LPA: variants seen among roughly 807,000 people sequenced by gnomAD.
The protein encoded by LPA is lipoprotein(a), also known as apolipoprotein(a).
In LPA, 199 loss-of-function variants were observed where a neutral mutation model predicts 197.9. The ratio of observed to expected loss-of-function variants is 1.01; its 90% CI spans 0.90 to 1.13. The LOEUF (loss-of-function observed/expected upper bound fraction) is 1.13, where lower values mean the gene tolerates loss of function less well. Among genes scored for constraint, LPA ranks in the 50% most tolerant of loss-of-function variants. The pLI, the probability that LPA is intolerant of heterozygous loss-of-function variation, is 0.00. For missense variants in LPA, 1,853 were observed against 1,785.8 expected, an observed-to-expected ratio of 1.04 and a Z score of -0.68; for synonymous variants, 715 against 639.5, an observed-to-expected ratio of 1.12 and a Z score of -1.78.
intron 24 of LPA, 144 bp from the exon 25 acceptor site, chr6:160,586,774 C>T (rs1583598964): frequency 4.6e-6 from 5 of 1,096,948 alleles, no homozygotes; most frequent in South Asian, 4.1e-5. Context: ...CACAAATGGT[C>T]CTCAACTTCT....
chr6:160,581,876 C>T (rs923693858), intron 26 of LPA, among the ~76,000 whole-genome samples: 7 of 151,944 alleles, frequency 4.6e-5, no homozygotes, highest in Admixed American at 4.6e-4. Context: ...TTCTTCTCAC[C>T]AATGTTATGT....
intron 20 of LPA, among the ~76,000 whole-genome samples, chr6:160,597,302 A>T (rs896386260): frequency 5.3e-5 from 8 of 152,230 alleles, no homozygotes; most frequent in Non-Finnish European, 1.2e-4. Context: ...GTGTGGGCTT[A>T]TCTATTTCTC....
rs73784275 is a variant in LPA at position 160,541,742 on chromosome 6, C to T, written c.5520-561G>A. On this transcript the variant is annotated intron_variant, in intron 34 of 38. Coordinates refer to ENST00000316300, the MANE Select transcript of LPA (RefSeq NM_005577.4). ...TGAGCCACTTGGAGCCAGATTGCAA[C>T]GAAGAGGAATAGAGATAGGAAGTGC... 1.6e-3 allele frequency among the ~76,000 whole-genome samples: 247 copies of T among 152,118 alleles called. 1 individual carries two copies. The highest frequency in any genetic ancestry group is 5.5e-3 in the African/African-American group (229 of 41,498).
At chr6:160,558,429 T>C (rs1379906577) in intron 28 of LPA, among the ~76,000 whole-genome samples, 1 of 152,158 alleles carries the variant, frequency 6.6e-6, no homozygotes, top group Admixed American at 6.5e-5. Context: ...AAAGCAATTA[T>C]GAAAATAGTA....
chr6:160,659,375 CAGA>C (rs1780184471), intron 1 of LPA, among the ~76,000 whole-genome samples: 2 of 152,126 alleles, frequency 1.3e-5, no homozygotes, highest in Non-Finnish European at 2.9e-5. Context: ...GTGTTAGTGG[CAGA>C]AGGACTTTCA....
At chr6:160,548,711 A>T (rs776953380) in intron 30 of LPA, 52 bp from the exon 31 acceptor site, 21 of 1,569,146 alleles carry the variant, frequency 1.3e-5, no homozygotes, top group Non-Finnish European at 1.8e-5. Flanking sequence ...ATATTCAGGG[A>T]CATCCAGCAC....
chr6:160,573,273 C>T (rs1371372331), intron 28 of LPA, among the ~76,000 whole-genome samples: 2 of 151,850 alleles, frequency 1.3e-5, no homozygotes, highest in African/African-American at 2.4e-5. Context: ...TGTCCAAAGT[C>T]TACTGAATTT....
In LPA at chr6:160,606,664, A is replaced by T; in HGVS notation, c.2604-6T>A. On this transcript the variant is annotated splice_polypyrimidine_tract_variant and splice_region_variant and intron_variant, in intron 16 of 38. Coordinates refer to ENST00000316300, the MANE Select transcript of LPA (RefSeq NM_005577.4). ...AGTAGTTCATGATCAAGCCACTGGA[A>T]ATTCCAAAACGATACACGTCACAAG... The T allele has an allele frequency of 6.2e-7, 1 of 1,613,950 alleles. No homozygotes were observed. Among genetic ancestry groups the T allele is most frequent in the Non-Finnish European group, 8.5e-7 (1 of 1,179,904 alleles).
At chr6:160,583,546 C>T (rs1459788132) in intron 26 of LPA, among the ~76,000 whole-genome samples, 4 of 152,144 alleles carry the variant, frequency 2.6e-5, no homozygotes, top group African/African-American at 7.2e-5. Flanking sequence ...GCTATGTGAG[C>T]TCTGGCATCT....
chr6:160,586,420 G>A (rs748282476), intron 25 of LPA, 29 bp downstream of exon 25: 6 of 1,611,140 alleles, frequency 3.7e-6, no homozygotes, highest in South Asian at 1.1e-5. Context: ...ATGTCCGAGG[G>A]TATGGTTGTC....
Position 160,554,612 on chromosome 6 carries a change from G to A in LPA, c.4973+1413C>T, listed in dbSNP as rs150044916. On this transcript the variant is annotated intron_variant, in intron 30 of 38. Coordinates refer to ENST00000316300, the MANE Select transcript of LPA (RefSeq NM_005577.4). Reference sequence around the variant, plus strand: ...CTCTCCTCGGGCTGATCAGAACCCCGGTATCCCCCAGTGCTACGTGAGCTC... The same window carrying A: ...CTCTCCTCGGGCTGATCAGAACCCCAGTATCCCCCAGTGCTACGTGAGCTC... Among the ~76,000 whole-genome samples, 873 of 152,136 alleles carry A rather than the reference G, an allele frequency of 5.7e-3. 5 individuals are homozygous for A. The highest frequency in any genetic ancestry group is 0.017 in the African/African-American group (698 of 41,506).
At chr6:160,604,880 G>A (rs1474981012) in intron 18 of LPA, among the ~76,000 whole-genome samples, 166 bp downstream of exon 18, 1 of 152,100 alleles carries the variant, frequency 6.6e-6, no homozygotes, top group African/African-American at 2.4e-5. Flanking sequence ...ATTAACATTT[G>A]TCTTCTCTTA....
At chr6:160,656,316 C>T (rs1582904511) in intron 1 of LPA, among the ~76,000 whole-genome samples, 1 of 152,128 alleles carries the variant, frequency 6.6e-6, no homozygotes, top group Non-Finnish European at 1.5e-5. Flanking sequence ...TTCTGTTTGG[C>T]CTTTCCCACC....
intron 19 of LPA, 28 bp from the exon 20 acceptor site, chr6:160,599,687 T>C (rs770911775): frequency 5.5e-5 from 89 of 1,613,376 alleles, no homozygotes; most frequent in Middle Eastern, 4.9e-4. Flanking sequence ...GACATCAAGC[T>C]TATTATTTCC....
intron 1 of LPA, among the ~76,000 whole-genome samples, chr6:160,652,954 G>C (rs1780033105): frequency 6.6e-6 from 1 of 151,960 alleles, no homozygotes; most frequent in Non-Finnish European, 1.5e-5. Context: ...ATAAATGAAG[G>C]CAGAAAAATA....
intron 28 of LPA, among the ~76,000 whole-genome samples, chr6:160,566,933 A>G (rs1479671243): frequency 6.6e-6 from 1 of 152,252 alleles, no homozygotes; most frequent in Non-Finnish European, 1.5e-5. Context: ...CAATTTAACA[A>G]GAAGAGCTAA....
chr6:160,555,537 A>G (rs967681140), intron 30 of LPA, among the ~76,000 whole-genome samples: 2 of 148,464 alleles, frequency 1.3e-5, no homozygotes, highest in African/African-American at 4.9e-5. Flanking sequence ...ATGAATACTA[A>G]CTTATATGAA....
intron 1 of LPA, among the ~76,000 whole-genome samples, chr6:160,653,958 AATATATAT>A (rs1562354317): frequency 8.3e-5 from 3 of 36,038 alleles, no homozygotes; most frequent in Non-Finnish European, 1.4e-4. Flanking sequence ...TATTATATAT[AATATATAT>A]TATATATAAT....
rs749396861 is a variant in LPA, at chr6:160,606,531, CG to C, written c.2730del (p.Val911SerfsTer12). 19 of 1,613,622 alleles carry C rather than the reference CG, an allele frequency of 1.2e-5. No homozygotes were observed. The highest frequency in any genetic ancestry group is 1.6e-5 in the Non-Finnish European group (19 of 1,179,940). On this transcript the variant is annotated frameshift_variant, in exon 17 of 39. Transcript: ENST00000316300. LOFTEE classifies it high-confidence loss of function. Reference sequence around the variant, plus strand: ...ATCGGGGTAATAGTTGGAGGCGCGACGGCAGTCCCTTCTGCGTCTGAGCATT... The same window carrying C: ...ATCGGGGTAATAGTTGGAGGCGCGACGCAGTCCCTTCTGCGTCTGAGCATT... ...LTQCSDAEGT[A>X]VAPPTITPIP...
Sources: gnomAD v4.1 joint callset for allele counts (sites outside exome capture counted in the v4.1 genomes callset) on GRCh38, gnomAD v4.1.1 for gene constraint, MANE v1.5 for transcripts, NCBI Gene and HGNC (gene_info 2026-07-23, HGNC 2026-07-21) for gene names.